RP1: variants seen among roughly 807,000 people sequenced by gnomAD.
RP1 encodes the protein oxygen-regulated protein 1.
Under a neutral mutation model 14.8 loss-of-function variants are expected in RP1, and 16 were observed. That is an observed-to-expected ratio of 1.08 (90% CI 0.73 to 1.65). RP1 has a LOEUF of 1.65. Among genes scored for constraint, RP1 ranks in the 40% most tolerant of loss-of-function variants. The pLI, the probability that RP1 is intolerant of heterozygous loss-of-function variation, is 0.00. For synonymous variants in RP1, 876 were observed against 883.6 expected, an observed-to-expected ratio of 0.99 and a Z score of 0.15; for missense variants, 2,631 against 2,535.0, an observed-to-expected ratio of 1.04 and a Z score of -0.81.
chr8:54,735,252 C>G (rs1025472766), intron 18 of RP1, among the ~76,000 whole-genome samples: 2 of 152,134 alleles, frequency 1.3e-5, no homozygotes, highest in Non-Finnish European at 2.9e-5. Context: ...TTTGCCCATG[C>G]CCATTTCTAA....
Position 54,630,474 on chromosome 8 carries a change from C to T in RP1, c.*121C>T. ...TCCACTTCTTCAAAATGAACTTACT[C>T]TAGAAAGCTTACCCTTGGATAACCA... is the stretch of plus-strand genomic sequence containing the variant. On this transcript the variant is annotated 3_prime_UTR_variant, in exon 4 of 4. Coordinates refer to ENST00000220676, the MANE Select transcript of RP1 (RefSeq NM_006269.2). 1.3e-6 allele frequency: 2 copies of T among 1,510,772 alleles called. No homozygotes were observed. The highest frequency in any genetic ancestry group is 2.2e-5 in the Admixed American group (1 of 44,798). 93.6% of individuals were successfully genotyped at this position (1,510,772 alleles called of 1,614,324 possible).
At chr8:54,639,986 T>A (rs888752818) in intron 3 of RP1, among the ~76,000 whole-genome samples, 4 of 152,212 alleles carry the variant, frequency 2.6e-5, no homozygotes, top group Non-Finnish European at 5.9e-5. Context: ...GTATGGCTCA[T>A]GCTTTTCAAG....
chr8:54,743,714 T>G (rs1420863939), intron 19 of RP1, among the ~76,000 whole-genome samples: 7 of 152,202 alleles, frequency 4.6e-5, no homozygotes, highest in Non-Finnish European at 1.0e-4. Flanking sequence ...TAGTACTTTC[T>G]TTTCCCTAGC....
At chr8:54,697,246 G>A in intron 12 of RP1, 1 of 606,200 alleles carries the variant, frequency 1.6e-6, no homozygotes, top group South Asian at 1.9e-5. Flanking sequence ...AAACTGGAAA[G>A]GAAGGGTCAA....
chr8:54,693,919 A>C (rs1412837254), intron 12 of RP1, among the ~76,000 whole-genome samples: 1 of 152,118 alleles, frequency 6.6e-6, no homozygotes, highest in East Asian at 1.9e-4. Flanking sequence ...GAATGCTTCC[A>C]GTTTTTGCCC....
At position 54,751,141 on chromosome 8, in the gene RP1, C is replaced by T. The variant is rs116821779; in HGVS notation, c.2809-3662C>T. On this transcript the variant is annotated intron_variant, in intron 19 of 22. Coordinates refer to the RP1 transcript ENST00000636932. ...CTAACCCACCGGAAGGAACCAACTC[C>T]GGACACATCGCCACCCATTCTTGAG... Among the ~76,000 whole-genome samples, 906 of 152,352 alleles carry T rather than the reference C, an allele frequency of 5.9e-3. 6 individuals carry two copies. The highest frequency in any genetic ancestry group is 0.018 in the African/African-American group (767 of 41,576).
chr8:54,565,464 C>T (rs544819941), intron 1 of RP1, among the ~76,000 whole-genome samples: 14 of 152,266 alleles, frequency 9.2e-5, no homozygotes, highest in African/African-American at 2.4e-4. Flanking sequence ...ACTCAGGAGG[C>T]GAAGGCAGGA....
At chr8:54,754,876 C>A in exon 20 of RP1, 1 of 1,527,354 alleles carries the variant, frequency 6.5e-7, no homozygotes, top group Non-Finnish European at 8.8e-7. Flanking sequence ...CGGATTCAGG[C>A]AGATGGGGAT....
intron 16 of RP1, among the ~76,000 whole-genome samples, chr8:54,721,127 A>G (rs899700881): frequency 6.6e-6 from 1 of 152,240 alleles, no homozygotes; most frequent in Non-Finnish European, 1.5e-5. Flanking sequence ...AATGAGCCTG[A>G]TGTAACATGA....
intron 23 of RP1, among the ~76,000 whole-genome samples, chr8:54,779,018 C>G (rs969273147): frequency 6.6e-6 from 1 of 152,176 alleles, no homozygotes; most frequent in Non-Finnish European, 1.5e-5. Context: ...GGAGGTGGAT[C>G]TGTTCAACTT....
intron 3 of RP1, among the ~76,000 whole-genome samples, chr8:54,623,239 T>C (rs191252182): frequency 9.2e-4 from 140 of 152,328 alleles, no homozygotes; most frequent in African/African-American, 3.3e-3. Context: ...TTTACTAAAA[T>C]GATTTTATTA....
At chr8:54,824,248 C>T (rs1250449086) in intron 24 of RP1, among the ~76,000 whole-genome samples, 6 of 151,630 alleles carry the variant, frequency 4.0e-5, no homozygotes, top group South Asian at 4.2e-4. Flanking sequence ...ATATTGCAGA[C>T]GTTGAAAAGA....
chr8:54,686,260 C>T (rs182038884), intron 12 of RP1, among the ~76,000 whole-genome samples: 21 of 152,186 alleles, frequency 1.4e-4, no homozygotes, highest in Non-Finnish European at 2.8e-4. Flanking sequence ...TTCACACTAA[C>T]GAATCAGTTT....
chr8:54,627,712 G>A lies in RP1; in HGVS notation c.3830G>A (p.Ser1277Asn), dbSNP rs1396347919. ...AYSPKETCNP[S>N]DTFFPSDGYG... Reference sequence around the variant, plus strand: ...TCTCCAAAAGAGACATGTAACCCCAGTGACACTTTTTTTCCTAGTGATGGT... The same window carrying A: ...TCTCCAAAAGAGACATGTAACCCCAATGACACTTTTTTTCCTAGTGATGGT... Residue 1277 changes from serine to asparagine, a missense_variant, in exon 4 of 4, where the codon AGT becomes AAT. Ser to Asn is a conservative substitution (Grantham distance 46). Transcript: ENST00000220676. 2 of 1,614,168 alleles carry A rather than the reference G, an allele frequency of 1.2e-6. No individual in the cohort carries two copies. The highest frequency in any genetic ancestry group is 1.1e-5 in the South Asian group (1 of 91,084).
intron 24 of RP1, among the ~76,000 whole-genome samples, chr8:54,786,071 C>T (rs1259284122): frequency 3.3e-5 from 5 of 151,948 alleles, no homozygotes; most frequent in Non-Finnish European, 4.4e-5. Flanking sequence ...ATTTTTTCTC[C>T]CGTTTTTTGA....
intron 8 of RP1, chr8:54,678,334 TA>T (rs1807345176): frequency 1.5e-6 from 1 of 674,460 alleles, no homozygotes; most frequent in African/African-American, 1.9e-5. Flanking sequence ...TTATTTGAAG[TA>T]CTAAAGCTTT....
intron 13 of RP1, among the ~76,000 whole-genome samples, chr8:54,701,285 A>G (rs1274145356): frequency 6.6e-6 from 1 of 152,196 alleles, no homozygotes; most frequent in African/African-American, 2.4e-5. Context: ...CTGAGAAATC[A>G]AGAGAAGGAA....
At chr8:54,632,246 CAAG>C (rs532860071), downstream of RP1, among the ~76,000 whole-genome samples, 17 of 152,144 alleles carry the variant, frequency 1.1e-4, no homozygotes, top group South Asian at 3.5e-3. Context: ...TAGATATACC[CAAG>C]AAGATTGAGG....
intron 24 of RP1, among the ~76,000 whole-genome samples, chr8:54,785,478 T>C (rs937125628): frequency 1.3e-5 from 2 of 152,144 alleles, no homozygotes; most frequent in Non-Finnish European, 2.9e-5. Flanking sequence ...GCTATGAACA[T>C]CTATGTACAA....
Sources: gnomAD v4.1 joint callset for allele counts (sites outside exome capture counted in the v4.1 genomes callset) on GRCh38, gnomAD v4.1.1 for gene constraint, MANE v1.5 for transcripts, NCBI Gene and HGNC (gene_info 2026-07-23, HGNC 2026-07-21) for gene names.